Variants in MTA3 observed in about 807,000 individuals in gnomAD.
The protein encoded by MTA3 is metastasis-associated protein MTA3.
In MTA3, 34 loss-of-function variants were observed where a neutral mutation model predicts 83.5. That is an observed-to-expected ratio of 0.41 (90% CI 0.31 to 0.54). The LOEUF (loss-of-function observed/expected upper bound fraction) is 0.54, where lower values mean the gene tolerates loss of function less well. Among genes scored for constraint, MTA3 ranks in the 20% least tolerant of loss-of-function variants. MTA3 has a pLI of 0.33. For missense variants in MTA3, 761 were observed against 726.4 expected, an observed-to-expected ratio of 1.05 and a Z score of -0.55; for synonymous variants, 303 against 252.7, an observed-to-expected ratio of 1.20 and a Z score of -1.89.
chr2:42,525,512 CCTTTCTT>C, intron 2 of MTA3, among the ~76,000 whole-genome samples: 1 of 129,114 alleles, frequency 7.7e-6, no homozygotes, highest in Admixed American at 7.9e-5. Flanking sequence ...CCTTCCCCTT[CCTTTCTT>C]CCCTTCCTTC....
At chr2:42,723,128 T>C (rs907772339) in intron 16 of MTA3, 93 bp downstream of exon 16, 1 of 1,346,266 alleles carries the variant, frequency 7.4e-7, no homozygotes, top group Non-Finnish European at 1.0e-6. Flanking sequence ...ATTATAAGCA[T>C]GTTCTTGTAT....
intron 2 of MTA3, among the ~76,000 whole-genome samples, chr2:42,520,996 G>T (rs1675404193): frequency 6.6e-6 from 1 of 152,144 alleles, no homozygotes; most frequent in Non-Finnish European, 1.5e-5. Context: ...CAAACTCCTT[G>T]TTGGCATCAC....
At chr2:42,665,198 C>G (rs1690124777) in intron 8 of MTA3, among the ~76,000 whole-genome samples, 2 of 152,084 alleles carry the variant, frequency 1.3e-5, no homozygotes, top group South Asian at 4.1e-4. Context: ...TCGAGACCAG[C>G]CTGGGCAACA....
chr2:42,634,226 C>T (rs184891293), intron 4 of MTA3, among the ~76,000 whole-genome samples: 140 of 152,274 alleles, frequency 9.2e-4, no homozygotes, highest in African/African-American at 3.1e-3. Flanking sequence ...TGTACATAAT[C>T]CTTGCTCCCT....
chr2:42,554,198 C>T (rs1387661568), intron 2 of MTA3, among the ~76,000 whole-genome samples: 1 of 152,088 alleles, frequency 6.6e-6, no homozygotes, highest in Non-Finnish European at 1.5e-5. Context: ...CACGTCATTG[C>T]ACTCCAGCCT....
At chr2:42,696,209 C>T (rs1693376904) in intron 10 of MTA3, among the ~76,000 whole-genome samples, 1 of 152,074 alleles carries the variant, frequency 6.6e-6, no homozygotes. Flanking sequence ...TGTCATCAGC[C>T]ATATAATTTG....
At chr2:42,656,355 T>C in intron 7 of MTA3, 53 bp downstream of exon 7, 1 of 1,118,522 alleles carries the variant, frequency 8.9e-7, no homozygotes, top group Non-Finnish European at 1.3e-6. Flanking sequence ...TATAAAAGAA[T>C]TTATAGGTAT....
At chr2:42,629,300 C>G (rs1334840231) in intron 4 of MTA3, among the ~76,000 whole-genome samples, 1 of 152,034 alleles carries the variant, frequency 6.6e-6, no homozygotes, top group East Asian at 1.9e-4. Context: ...AGGCTGATCT[C>G]GAACTCCTGA....
intron 12 of MTA3, among the ~76,000 whole-genome samples, chr2:42,706,244 G>A (rs993377410): frequency 3.3e-5 from 5 of 151,892 alleles, no homozygotes; most frequent in African/African-American, 7.3e-5. Context: ...CCTGCACATT[G>A]TGCACATGTA....
chr2:42,676,617 T>C (rs1368407328), intron 8 of MTA3, among the ~76,000 whole-genome samples: 1 of 151,964 alleles, frequency 6.6e-6, no homozygotes, highest in East Asian at 1.9e-4. Flanking sequence ...AATACAAAAA[T>C]TAGCTGGGCA....
At chr2:42,642,775 G>C (rs1206515140) in intron 5 of MTA3, among the ~76,000 whole-genome samples, 1 of 138,610 alleles carries the variant, frequency 7.2e-6, no homozygotes, top group African/African-American at 2.8e-5. Flanking sequence ...CTCCTGAGCA[G>C]CTGGGATTAC....
intron 16 of MTA3, among the ~76,000 whole-genome samples, chr2:42,739,884 T>C (rs976305477): frequency 2.0e-5 from 3 of 152,268 alleles, no homozygotes; most frequent in African/African-American, 7.2e-5. Context: ...TCAAGTTTTA[T>C]CATGAGATTG....
intron 16 of MTA3, among the ~76,000 whole-genome samples, chr2:42,730,569 CAT>C (rs1478223152): frequency 3.3e-5 from 5 of 152,184 alleles, no homozygotes; most frequent in African/African-American, 1.2e-4. Context: ...CCCACTTGGT[CAT>C]GAGATAATCT....
intron 2 of MTA3, among the ~76,000 whole-genome samples, chr2:42,570,902 A>G (rs1389529623): frequency 6.6e-6 from 1 of 151,698 alleles, no homozygotes; most frequent in Non-Finnish European, 1.5e-5. Context: ...AATCCCAGCT[A>G]CTCGAGAGGC....
intron 2 of MTA3, among the ~76,000 whole-genome samples, chr2:42,548,848 T>TATATATATATATATAATATATATATATA (rs1676910428): frequency 3.9e-5 from 1 of 25,746 alleles, no homozygotes; most frequent in Non-Finnish European, 5.8e-5. Context: ...ATATATATAA[T>TATATATATATATATAATATATATATATA]ATATATATAT....
intron 4 of MTA3, among the ~76,000 whole-genome samples, chr2:42,631,825 G>T (rs112268716): frequency 0.014 from 2,149 of 152,014 alleles, 51 homozygotes; most frequent in African/African-American, 0.048. Flanking sequence ...AAGTAGCTGG[G>T]CTTACAGGTG....
At chr2:42,625,148 C>T (rs1478954916) in intron 4 of MTA3, among the ~76,000 whole-genome samples, 3 of 152,054 alleles carry the variant, frequency 2.0e-5, no homozygotes, top group Non-Finnish European at 4.4e-5. Context: ...TCTCCTGCCT[C>T]AGCCTCCTGA....
chr2:42,548,397 C>T (rs891642002), intron 2 of MTA3, among the ~76,000 whole-genome samples: 2 of 151,906 alleles, frequency 1.3e-5, no homozygotes, highest in African/African-American at 4.8e-5. Flanking sequence ...GCCTGGGAGG[C>T]AGAGGTTGCA....
chr2:42,539,972 C>T (rs546568781), intron 2 of MTA3, among the ~76,000 whole-genome samples: 1 of 152,118 alleles, frequency 6.6e-6, no homozygotes, highest in Admixed American at 6.6e-5. Flanking sequence ...AGAATGGCTT[C>T]TTCTGCTCAG....
Sources: gnomAD v4.1 joint callset for allele counts (sites outside exome capture counted in the v4.1 genomes callset) on GRCh38, gnomAD v4.1.1 for gene constraint, MANE v1.5 for transcripts, NCBI Gene and HGNC (gene_info 2026-07-23, HGNC 2026-07-21) for gene names.